Variants in LRRTM4 observed in about 807,000 individuals in gnomAD.
The protein encoded by LRRTM4 is leucine rich repeat transmembrane neuronal 4, also known as leucine-rich repeat transmembrane neuronal protein 4.
Under a neutral mutation model 47.6 loss-of-function variants are expected in LRRTM4, and 25 were observed. The observed-to-expected ratio is 0.53, with a 90% CI of 0.38 to 0.73. The LOEUF is 0.73. LRRTM4 is among the 30% of genes least tolerant of loss of function. The pLI is 0.00. For synonymous variants in LRRTM4, 311 were observed against 269.5 expected (o/e 1.15, Z -1.51); for missense variants, 638 against 713.4 (o/e 0.89, Z 1.20).
At chr2:77,491,595 A>C (rs1006166347) in intron 3 of LRRTM4, among the ~76,000 whole-genome samples, 3 of 151,988 alleles carry the variant, frequency 2.0e-5, no homozygotes. Context: ...AAAATTCTTC[A>C]TCAATCCACA....
At chr2:76,779,413 G>T (rs184749743) in intron 3 of LRRTM4, among the ~76,000 whole-genome samples, 1 of 146,926 alleles carries the variant, frequency 6.8e-6, no homozygotes, top group African/African-American at 2.5e-5. Flanking sequence ...TTTGTAGGTC[G>T]CTCAGGACTT....
intron 3 of LRRTM4, among the ~76,000 whole-genome samples, chr2:76,808,166 G>A (rs575983231): frequency 3.7e-4 from 56 of 151,252 alleles, no homozygotes; most frequent in Non-Finnish European, 6.6e-4. Flanking sequence ...GATTACAGGC[G>A]CCCGCCACGA....
intron 3 of LRRTM4, among the ~76,000 whole-genome samples, chr2:76,895,559 C>A (rs1673384916): frequency 6.6e-6 from 1 of 152,036 alleles, no homozygotes; most frequent in Admixed American, 6.6e-5. Context: ...CAAAAGGAAA[C>A]AGCCAGACTG....
chr2:76,906,992 CAGAAT>C (rs1245779542), intron 3 of LRRTM4, among the ~76,000 whole-genome samples: 1 of 152,166 alleles, frequency 6.6e-6, no homozygotes, highest in East Asian at 1.9e-4. Context: ...CTGCACCAAG[CAGAAT>C]AGACATCTAC....
At chr2:77,355,862 G>A (rs1671947187) in intron 3 of LRRTM4, among the ~76,000 whole-genome samples, 1 of 152,302 alleles carries the variant, frequency 6.6e-6, no homozygotes, top group South Asian at 2.1e-4. Flanking sequence ...GGAGGCCAAG[G>A]TGGACAGATT....
chr2:76,860,899 A>C (rs1481672501), intron 3 of LRRTM4, among the ~76,000 whole-genome samples: 1 of 152,070 alleles, frequency 6.6e-6, no homozygotes, highest in East Asian at 1.9e-4. Flanking sequence ...ATTAAAAAAA[A>C]GCATAGTATC....
chr2:77,310,859 CAT>C (rs1489213114), intron 3 of LRRTM4, among the ~76,000 whole-genome samples: 1 of 151,960 alleles, frequency 6.6e-6, no homozygotes, highest in Non-Finnish European at 1.5e-5. Context: ...TACACACACA[CAT>C]ATATATTTAG....
intron 3 of LRRTM4, among the ~76,000 whole-genome samples, chr2:76,948,936 A>C (rs1317504869): frequency 6.6e-6 from 1 of 151,854 alleles, no homozygotes; most frequent in African/African-American, 2.4e-5. Flanking sequence ...GATTTTGATA[A>C]AGCTATATGT....
At chr2:77,191,377 A>G (rs1673665118) in intron 3 of LRRTM4, among the ~76,000 whole-genome samples, 1 of 152,100 alleles carries the variant, frequency 6.6e-6, no homozygotes. Flanking sequence ...GCCTAATCTG[A>G]TGACTACATA....
chr2:77,019,290 C>T (rs1411581342), intron 3 of LRRTM4, among the ~76,000 whole-genome samples: 2 of 138,010 alleles, frequency 1.4e-5, no homozygotes, highest in Non-Finnish European at 3.1e-5. Flanking sequence ...AAGAAGAAGA[C>T]AGAGTGTATT....
At chr2:77,251,892 G>C (rs1188578394) in intron 3 of LRRTM4, among the ~76,000 whole-genome samples, 1 of 152,128 alleles carries the variant, frequency 6.6e-6, no homozygotes, top group Admixed American at 6.6e-5. Context: ...TTGGGTGGGT[G>C]GTGGTGATCA....
intron 3 of LRRTM4, among the ~76,000 whole-genome samples, chr2:77,301,717 A>G (rs17013942): frequency 0.19 from 28,899 of 152,042 alleles, 3,043 homozygotes; most frequent in East Asian, 0.44. Flanking sequence ...ATTTCTCCCT[A>G]TGTTTGAATT....
chr2:77,467,833 G>C (rs565153156), intron 3 of LRRTM4, among the ~76,000 whole-genome samples: 1 of 151,960 alleles, frequency 6.6e-6, no homozygotes, highest in South Asian at 2.1e-4. Context: ...ACACATTTTT[G>C]TGTGCTAAAA....
At chr2:77,113,917 TC>T (rs1392661746) in intron 3 of LRRTM4, among the ~76,000 whole-genome samples, 3 of 152,034 alleles carry the variant, frequency 2.0e-5, no homozygotes, top group African/African-American at 7.2e-5. Context: ...GCTGTCCTAT[TC>T]GGGGCCGCGG....
chr2:76,819,673 A>G (rs980568370), intron 3 of LRRTM4, among the ~76,000 whole-genome samples: 1 of 151,866 alleles, frequency 6.6e-6, no homozygotes, highest in African/African-American at 2.4e-5. Flanking sequence ...TCTTCTTAAA[A>G]CTGATTCATC....
At chr2:76,911,114 T>C (rs2103779240) in intron 3 of LRRTM4, among the ~76,000 whole-genome samples, 1 of 152,314 alleles carries the variant, frequency 6.6e-6, no homozygotes, top group East Asian at 1.9e-4. Context: ...TTAAAACATA[T>C]TTTTTGGTTT....
At chr2:76,850,225 C>T (rs1361179388) in intron 3 of LRRTM4, among the ~76,000 whole-genome samples, 1 of 152,092 alleles carries the variant, frequency 6.6e-6, no homozygotes, top group Non-Finnish European at 1.5e-5. Context: ...CACTTTCATG[C>T]TATGTCTTTT....
chr2:76,915,853 A>G (rs1175649671), intron 3 of LRRTM4, among the ~76,000 whole-genome samples: 3 of 152,174 alleles, frequency 2.0e-5, no homozygotes, highest in South Asian at 2.1e-4. Flanking sequence ...ATTCAATATC[A>G]TTCTACTTCT....
intron 3 of LRRTM4, among the ~76,000 whole-genome samples, chr2:76,959,294 A>C (rs1054971931): frequency 6.6e-6 from 1 of 151,652 alleles, no homozygotes; most frequent in Admixed American, 6.6e-5. Flanking sequence ...AGAGGACAGC[A>C]TTTTGAATAT....
Sources: gnomAD v4.1 joint callset for allele counts (sites outside exome capture counted in the v4.1 genomes callset) on GRCh38, gnomAD v4.1.1 for gene constraint, MANE v1.5 for transcripts, NCBI Gene and HGNC (gene_info 2026-07-23, HGNC 2026-07-21) for gene names.